Variants in ZNF536 observed in about 807,000 individuals in gnomAD.
ZNF536 encodes zinc finger protein 536.
Under a neutral mutation model 84.5 loss-of-function variants are expected in ZNF536, and 13 were observed. The ratio of observed to expected loss-of-function variants is 0.15; its 90% CI spans 0.10 to 0.24. The LOEUF (loss-of-function observed/expected upper bound fraction) is 0.24, where lower values mean the gene tolerates loss of function less well. ZNF536 is among the 10% of genes least tolerant of loss of function. The pLI is 1.00. For missense variants in ZNF536, 1,536 were observed against 1,747.5 expected, an observed-to-expected ratio of 0.88 and a Z score of 2.16; for synonymous variants, 811 against 742.5, an observed-to-expected ratio of 1.09 and a Z score of -1.50.
chr19:30,453,138 C>T (rs575785223), intron 2 of ZNF536, among the ~76,000 whole-genome samples: 4 of 152,158 alleles, frequency 2.6e-5, no homozygotes, highest in Admixed American at 6.5e-5. Context: ...CGCAGCCAGG[C>T]GCCATCTGGA....
chr19:30,662,962 C>CTTTTTTTTTTTTTTTTTTTTTT (rs951081577), intron 1 of ZNF536, among the ~76,000 whole-genome samples: 2 of 78,766 alleles, frequency 2.5e-5, no homozygotes, highest in African/African-American at 4.9e-5. Context: ...TTTTTCGTTT[C>CTTTTTTTTTTTTTTTTTTTTTT]TTTTTTTTTT....
chr19:30,438,804 A>G (rs1025061158), intron 1 of ZNF536, among the ~76,000 whole-genome samples: 11 of 152,094 alleles, frequency 7.2e-5, no homozygotes, highest in Non-Finnish European at 1.5e-4. Flanking sequence ...TCAGCCTCCC[A>G]TGTAGTTGGG....
intron 2 of ZNF536, among the ~76,000 whole-genome samples, chr19:30,486,014 C>T (rs995093946): frequency 2.6e-5 from 4 of 152,090 alleles, no homozygotes; most frequent in Non-Finnish European, 5.9e-5. Context: ...TGGGGGTTGG[C>T]GTCACTATTA....
chr19:30,546,293 C>T (rs562638732), intron 3 of ZNF536, among the ~76,000 whole-genome samples: 1 of 152,316 alleles, frequency 6.6e-6, no homozygotes, highest in East Asian at 1.9e-4. Context: ...ATAGAGACTT[C>T]CTCCTAGATT....
intron 2 of ZNF536, among the ~76,000 whole-genome samples, chr19:30,495,891 G>A (rs574575230): frequency 5.6e-4 from 86 of 152,270 alleles, no homozygotes; most frequent in Non-Finnish European, 2.2e-4. Flanking sequence ...GTAGCGGATG[G>A]TTTCAGTAAT....
intron 1 of ZNF536, among the ~76,000 whole-genome samples, chr19:30,282,442 G>A (rs1013762408): frequency 3.9e-5 from 6 of 152,192 alleles, no homozygotes; most frequent in South Asian, 2.1e-4. Flanking sequence ...GATCAATGGC[G>A]TGAAGCTGGA....
At chr19:30,261,272 T>C (rs1386522511) in intron 1 of ZNF536, among the ~76,000 whole-genome samples, 2 of 107,900 alleles carry the variant, frequency 1.9e-5, no homozygotes, top group African/African-American at 7.4e-5. Context: ...CACTCCAGCC[T>C]GGGCGACAGA....
At chr19:30,299,011 G>A (rs1324549619) in intron 2 of ZNF536, among the ~76,000 whole-genome samples, 5 of 152,180 alleles carry the variant, frequency 3.3e-5, no homozygotes, top group African/African-American at 1.2e-4. Context: ...TGCCAAAGGG[G>A]GGGCCTGGGA....
upstream of ZNF536, among the ~76,000 whole-genome samples, chr19:30,369,942 TA>T (rs756049688): frequency 3.3e-5 from 5 of 152,070 alleles, no homozygotes; most frequent in African/African-American, 4.8e-5. Context: ...TGGATCCAAT[TA>T]AAAAAAATAT....
intron 1 of ZNF536, among the ~76,000 whole-genome samples, chr19:30,403,617 A>ATTGAAG (rs1238474417): frequency 2.6e-5 from 4 of 152,192 alleles, no homozygotes; most frequent in African/African-American, 9.6e-5. Flanking sequence ...TATCCGCTTT[A>ATTGAAG]TTGAAGTTGG....
chr19:30,371,205 C>T (rs2048600992), upstream of ZNF536, among the ~76,000 whole-genome samples: 1 of 152,188 alleles, frequency 6.6e-6, no homozygotes, highest in Admixed American at 6.5e-5. Flanking sequence ...AATCTGCCAC[C>T]TCTTTGTTTT....
At chr19:30,600,863 G>A (rs1039796646) in intron 1 of ZNF536, among the ~76,000 whole-genome samples, 7 of 152,354 alleles carry the variant, frequency 4.6e-5, no homozygotes, top group African/African-American at 9.6e-5. Context: ...GCCAAGCATC[G>A]AGTGTGGGCC....
chr19:30,688,815 T>C (rs1486653482), intron 1 of ZNF536, among the ~76,000 whole-genome samples: 1 of 152,206 alleles, frequency 6.6e-6, no homozygotes, highest in Non-Finnish European at 1.5e-5. Context: ...AAACTCTGTG[T>C]TGGGGCTAAG....
At position 30,588,781 on chromosome 19, in the gene ZNF536, T is replaced by C. The variant is rs911681644; in HGVS notation, c.169+39267T>C. 3.9e-5 allele frequency among the ~76,000 whole-genome samples: 6 copies of C among 152,350 alleles called. No homozygotes were observed. In the East Asian group the frequency reaches 7.7e-4, roughly 20 times the overall value. The stretch of plus-strand genomic sequence containing the variant: ...TATTTGTGTGAATATTTTCTAATTA[T>C]GTTGAGTACTCCTGGGCTTCCGTTT... On this transcript the variant is annotated intron_variant, in intron 1 of 1. Coordinates refer to the ZNF536 transcript ENST00000592773.
At chr19:30,517,466 C>A (rs1044604497) in intron 2 of ZNF536, among the ~76,000 whole-genome samples, 3 of 152,146 alleles carry the variant, frequency 2.0e-5, no homozygotes, top group Non-Finnish European at 4.4e-5. Flanking sequence ...AGCCCATCAA[C>A]CCTTGCTCTT....
chr19:30,360,436 C>T (rs1000008250), intron 3 of ZNF536, among the ~76,000 whole-genome samples: 8 of 152,214 alleles, frequency 5.3e-5, no homozygotes, highest in Non-Finnish European at 1.2e-4. Context: ...CTTATGAAAT[C>T]GGGCCTTGTC....
chr19:30,440,073 G>A (rs1378372323), intron 1 of ZNF536, among the ~76,000 whole-genome samples: 1 of 145,800 alleles, frequency 6.9e-6, no homozygotes, highest in Non-Finnish European at 1.5e-5. Flanking sequence ...TGATTCTCCT[G>A]CCTCAGCCTC....
At chr19:30,425,429 C>T (rs1294378992) in intron 1 of ZNF536, among the ~76,000 whole-genome samples, 1 of 152,132 alleles carries the variant, frequency 6.6e-6, no homozygotes, top group African/African-American at 2.4e-5. Flanking sequence ...ACCAGGAGAC[C>T]TGTATTGACT....
At chr19:30,617,333 CTTTTTT>C (rs556835599) in intron 1 of ZNF536, among the ~76,000 whole-genome samples, 30 of 37,700 alleles carry the variant, frequency 8.0e-4, no homozygotes, top group Admixed American at 2.6e-3. Context: ...GAATAGCTTA[CTTTTTT>C]TTTTTTTTTT....
Sources: allele counts gnomAD v4.1 joint callset (sites outside exome capture counted in the v4.1 genomes callset), GRCh38; gene constraint gnomAD v4.1.1; transcripts MANE v1.5; gene names NCBI Gene and HGNC (gene_info 2026-07-23, HGNC 2026-07-21).